Variants in TYW1 observed in about 807,000 individuals in gnomAD.
TYW1 encodes tRNA-yW synthesizing protein 1 homolog, also known as S-adenosyl-L-methionine-dependent tRNA 4-demethylwyosine synthase TYW1.
TYW1 carries 46 observed loss-of-function variants against 96.2 expected under a neutral mutation model. The observed-to-expected ratio is 0.48, with a 90% CI of 0.38 to 0.61. TYW1 has a LOEUF of 0.61. Among genes scored for constraint, TYW1 ranks in the 20% least tolerant of loss-of-function variants. TYW1 has a pLI of 0.00. For synonymous variants in TYW1, 274 were observed against 323.0 expected (o/e 0.85, Z 1.63); for missense variants, 684 against 909.6 (o/e 0.75, Z 3.19).
intron 8 of TYW1, among the ~76,000 whole-genome samples, chr7:67,053,322 G>A (rs1351880504): frequency 6.6e-6 from 1 of 151,532 alleles, no homozygotes; most frequent in Non-Finnish European, 1.5e-5. Context: ...TAAGCATCAG[G>A]CATTGCCCCC....
intron 9 of TYW1, among the ~76,000 whole-genome samples, chr7:67,058,866 C>G (rs528507865): frequency 6.6e-6 from 1 of 152,072 alleles, no homozygotes; most frequent in African/African-American, 2.4e-5. Context: ...AAGATTTATC[C>G]CACCTCTGCC....
intron 14 of TYW1, among the ~76,000 whole-genome samples, chr7:67,190,117 T>A (rs1362829353): frequency 6.6e-6 from 1 of 152,158 alleles, no homozygotes; most frequent in Non-Finnish European, 1.5e-5. Flanking sequence ...CCTAGCTGTG[T>A]GTAGTGCTCA....
chr7:67,074,071 CAA>C (rs756494903), intron 10 of TYW1, among the ~76,000 whole-genome samples: 10 of 83,810 alleles, frequency 1.2e-4, no homozygotes, highest in African/African-American at 1.3e-4. Flanking sequence ...TACTCCATCT[CAA>C]AAAAAAAAAA....
chr7:67,076,300 C>T (rs1224664950), intron 10 of TYW1, among the ~76,000 whole-genome samples: 8 of 152,070 alleles, frequency 5.3e-5, no homozygotes, highest in Non-Finnish European at 1.0e-4. Context: ...GAAGTGCTGG[C>T]GAGTGTACCC....
At chr7:67,114,339 GCC>G in intron 12 of TYW1, 1 of 153,770 alleles carries the variant, frequency 6.5e-6, no homozygotes, top group Non-Finnish European at 1.5e-5. Context: ...GATATGTCAG[GCC>G]TCATTCTACC....
intron 13 of TYW1, among the ~76,000 whole-genome samples, chr7:67,162,475 T>C (rs1445510223): frequency 6.6e-6 from 1 of 152,224 alleles, no homozygotes; most frequent in Non-Finnish European, 1.5e-5. Flanking sequence ...AGACCTGCTC[T>C]AAGGCATATT....
chr7:67,057,787 G>A (rs972233024), intron 9 of TYW1, among the ~76,000 whole-genome samples: 20 of 152,296 alleles, frequency 1.3e-4, no homozygotes, highest in Non-Finnish European at 2.2e-4. Flanking sequence ...TTCTTTATAT[G>A]TTGTGGATGT....
chr7:67,230,237 GA>G (rs1371495217), intron 15 of TYW1, among the ~76,000 whole-genome samples: 2 of 151,886 alleles, frequency 1.3e-5, no homozygotes, highest in Middle Eastern at 3.4e-3. Flanking sequence ...ACAAGATACA[GA>G]ACCAAACATA....
At chr7:67,115,974 A>G (rs1797581326) in intron 12 of TYW1, among the ~76,000 whole-genome samples, 1 of 152,216 alleles carries the variant, frequency 6.6e-6, no homozygotes, top group African/African-American at 2.4e-5. Context: ...TTCTAAATTT[A>G]CTGAAGAGAT....
chr7:67,080,997 A>G (rs554323645), intron 10 of TYW1, among the ~76,000 whole-genome samples: 75 of 95,758 alleles, frequency 7.8e-4, no homozygotes, highest in African/African-American at 2.8e-3. Flanking sequence ...TAGCGGTAAC[A>G]TTTGAATCCT....
In TYW1 at chr7:67,049,957, G is replaced by A; in HGVS notation, c.993G>A (p.Lys331=). Residue 331 remains lysine, a synonymous_variant, in exon 8 of 16, where the codon AAG becomes AAA. Coordinates refer to ENST00000359626, the MANE Select transcript of TYW1 (RefSeq NM_018264.4). The stretch of plus-strand genomic sequence containing the variant: ...TTTTTATTTTAATGCAGAGAGAAAA[G>A]GAACAGCAGGAAGAGAAGTCTGGTT... ...MDHVKKEKRE[K]EQQEEKSGLF... 1 of 1,613,494 alleles carries A rather than the reference G, an allele frequency of 6.2e-7. No homozygotes were observed. The highest frequency in any genetic ancestry group is 8.5e-7 in the Non-Finnish European group (1 of 1,179,896).
intron 15 of TYW1, among the ~76,000 whole-genome samples, chr7:67,216,858 T>G (rs926222413): frequency 6.6e-6 from 1 of 151,848 alleles, no homozygotes; most frequent in Non-Finnish European, 1.5e-5. Context: ...TAGTATTTTT[T>G]AATCTGTCAT....
Position 67,014,447 on chromosome 7 carries a change from C to T in TYW1, c.456C>T (p.Cys152=). 6.2e-7 allele frequency: 1 copy of T among 1,613,912 alleles called. No homozygotes were observed. Among genetic ancestry groups the T allele is most frequent in the Non-Finnish European group, 8.5e-7 (1 of 1,179,862 alleles). ...GLPTESAEWF[C]KWLEEASIDF... is the part of the protein sequence containing the mutation. ...CAACTGAAAGTGCAGAGTGGTTCTGCAAATGGTTAGAGGAAGCATCCATTG... is the reference window on the plus strand; with the variant it reads ...CAACTGAAAGTGCAGAGTGGTTCTGTAAATGGTTAGAGGAAGCATCCATTG... Residue 152 remains cysteine (C), a synonymous_variant, in exon 5 of 16, where the codon TGC becomes TGT. Transcript: ENST00000359626.
At chr7:66,998,331 C>A (rs1793265253) in intron 2 of TYW1, 136 bp downstream of exon 2, 1 of 1,214,564 alleles carries the variant, frequency 8.2e-7, no homozygotes, top group South Asian at 1.9e-5. Flanking sequence ...AAATAAATTT[C>A]TTCTCTAAGT....
chr7:67,006,495 A>C (rs1354545424), intron 3 of TYW1, among the ~76,000 whole-genome samples: 1 of 131,314 alleles, frequency 7.6e-6, no homozygotes, highest in Non-Finnish European at 1.5e-5. Context: ...GCTGGAGTGC[A>C]GTGGCGTGAT....
intron 6 of TYW1, among the ~76,000 whole-genome samples, chr7:67,018,777 G>A (rs1055185363): frequency 4.0e-5 from 6 of 151,524 alleles, no homozygotes; most frequent in African/African-American, 7.3e-5. Flanking sequence ...CCAACGTGGC[G>A]AAACCCCATC....
intron 8 of TYW1, among the ~76,000 whole-genome samples, chr7:67,052,825 G>A (rs533404308): frequency 9.1e-4 from 138 of 152,024 alleles, no homozygotes; most frequent in East Asian, 4.6e-3. Context: ...TCTGCCTCCC[G>A]GGTTCAAGCG....
chr7:67,072,183 T>G (rs1796048607), intron 10 of TYW1, among the ~76,000 whole-genome samples: 1 of 150,022 alleles, frequency 6.7e-6, no homozygotes, highest in South Asian at 2.1e-4. Flanking sequence ...ACCTCAACTA[T>G]AATTTTTTTC....
intron 15 of TYW1, among the ~76,000 whole-genome samples, chr7:67,221,312 C>T (rs946800950): frequency 2.0e-5 from 3 of 152,182 alleles, no homozygotes; most frequent in Non-Finnish European, 4.4e-5. Context: ...GCCGCTCCTG[C>T]TGTCTTTGGG....
Sources: allele counts gnomAD v4.1 joint callset (sites outside exome capture counted in the v4.1 genomes callset), GRCh38; gene constraint gnomAD v4.1.1; transcripts MANE v1.5; gene names NCBI Gene and HGNC (gene_info 2026-07-23, HGNC 2026-07-21).